The following SYT1 variants were observed in gnomAD, a reference collection of about 807,000 sequenced individuals.
The protein encoded by SYT1 is synaptotagmin 1.
A neutral mutation model predicts 44.8 loss-of-function variants in SYT1; 8 were observed. The observed-to-expected ratio is 0.18, with a 90% CI of 0.10 to 0.32. The LOEUF (loss-of-function observed/expected upper bound fraction) is 0.32. SYT1 is among the 10% of genes least tolerant of loss of function. The probability of loss-of-function intolerance (pLI) is 1.00; values close to 1 mark genes in which losing one functional copy is unlikely to be tolerated. For synonymous variants in SYT1, 154 were observed against 188.8 expected, an observed-to-expected ratio of 0.82 and a Z score of 1.51; for missense variants, 286 against 509.3, an observed-to-expected ratio of 0.56 and a Z score of 4.22.
chr12:79,261,891 A>AG (rs1242508218), intron 4 of SYT1, among the ~76,000 whole-genome samples: 1 of 152,222 alleles, frequency 6.6e-6, no homozygotes, highest in African/African-American at 2.4e-5. Flanking sequence ...GAGTGGAAGT[A>AG]ATATGTAACA....
Position 79,218,866 on chromosome 12 carries a change from T to C in SYT1, c.166+1181T>C, listed in dbSNP as rs1005750975. On this transcript the variant is annotated intron_variant, in intron 4 of 10. Coordinates refer to ENST00000261205, the MANE Select transcript of SYT1 (RefSeq NM_005639.3). ...GTTTGTCATATTGATTTCATTTCTT[T>C]GGATACATACCGGGTAGTAGGATTG... Among the ~76,000 whole-genome samples, 35 of 152,212 alleles carry C rather than the reference T, an allele frequency of 2.3e-4. 1 individual carries two copies. The highest frequency in any genetic ancestry group is 1.3e-4 in the Non-Finnish European group (9 of 68,026).
intron 4 of SYT1, among the ~76,000 whole-genome samples, chr12:79,284,434 T>A (rs1879202559): frequency 6.6e-6 from 1 of 152,176 alleles, no homozygotes; most frequent in Non-Finnish European, 1.5e-5. Flanking sequence ...TAAACTCCCC[T>A]CTGTGTATTT....
intron 3 of SYT1, among the ~76,000 whole-genome samples, chr12:79,142,150 GA>G (rs1384065859): frequency 6.6e-5 from 10 of 152,198 alleles, no homozygotes; most frequent in Non-Finnish European, 1.5e-5. Flanking sequence ...GATCATTGCT[GA>G]ATGATTAACG....
intron 1 of SYT1, among the ~76,000 whole-genome samples, chr12:78,934,676 A>T (rs1323744579): frequency 6.6e-6 from 1 of 152,216 alleles, no homozygotes; most frequent in Non-Finnish European, 1.5e-5. Context: ...AAAGAAGTTG[A>T]AGTGGAAAAT....
At chr12:79,263,070 T>C (rs1877921118) in intron 4 of SYT1, among the ~76,000 whole-genome samples, 1 of 152,194 alleles carries the variant, frequency 6.6e-6, no homozygotes, top group African/African-American at 2.4e-5. Context: ...CCAGAATGCA[T>C]TCCTAATTTT....
intron 8 of SYT1, among the ~76,000 whole-genome samples, chr12:79,335,846 G>A (rs1452424566): frequency 3.3e-5 from 5 of 152,158 alleles, no homozygotes; most frequent in Non-Finnish European, 5.9e-5. Context: ...ACTTGTTTCT[G>A]TTCTGGATTA....
At chr12:78,944,406 G>C (rs1340084459) in intron 1 of SYT1, among the ~76,000 whole-genome samples, 2 of 151,778 alleles carry the variant, frequency 1.3e-5, no homozygotes, top group Non-Finnish European at 2.9e-5. Context: ...TATTTAAAAA[G>C]TGGAAAAAGC....
chr12:79,332,409 C>T lies in SYT1; in HGVS notation c.811-21093C>T, dbSNP rs184541913. On this transcript the variant is annotated intron_variant, in intron 8 of 10. Transcript: ENST00000261205. ...AACTAAATCGTTTCTGCAGAATGAA[C>T]GATTTGTGAAATCTTGGCAAATTGA... Among the ~76,000 whole-genome samples, 255 of 152,252 alleles carry T rather than the reference C, an allele frequency of 1.7e-3. 1 individual carries two copies. Among genetic ancestry groups the T allele is most frequent in the African/African-American group, 5.8e-3 (242 of 41,550 alleles).
chr12:79,180,209 T>TC (rs71091646), intron 3 of SYT1, among the ~76,000 whole-genome samples: 1 of 151,554 alleles, frequency 6.6e-6, no homozygotes, highest in Admixed American at 6.6e-5. Flanking sequence ...CCATTATTTC[T>TC]TTGAAAATAT....
At position 79,041,325 on chromosome 12, in the gene SYT1, G is replaced by A. The variant is rs1055032171; in HGVS notation, c.-83-5972G>A. Reference sequence around the variant, plus strand: ...TGAGCAGTGGTTTGTAGTTCTCCTTGAAGAGGTCCTTCACATCCCCTGTAA... The same window carrying A: ...TGAGCAGTGGTTTGTAGTTCTCCTTAAAGAGGTCCTTCACATCCCCTGTAA... On this transcript the variant is annotated intron_variant, in intron 2 of 10. Coordinates refer to ENST00000261205, the MANE Select transcript of SYT1 (RefSeq NM_005639.3). Among the ~76,000 whole-genome samples the A allele has an allele frequency of 2.6e-4, 40 of 152,140 alleles. 1 individual carries two copies. The highest frequency in any genetic ancestry group is 7.3e-5 in the Non-Finnish European group (5 of 68,036).
chr12:79,033,852 C>G (rs1441885238), intron 2 of SYT1, among the ~76,000 whole-genome samples: 1 of 151,396 alleles, frequency 6.6e-6, no homozygotes, highest in Non-Finnish European at 1.5e-5. Context: ...ACCCATCTCT[C>G]TAGTACTTAC....
intron 1 of SYT1, among the ~76,000 whole-genome samples, chr12:78,936,578 TA>T (rs1046666937): frequency 6.6e-6 from 1 of 152,152 alleles, no homozygotes; most frequent in Non-Finnish European, 1.5e-5. Flanking sequence ...ATTTTTCCTT[TA>T]AAAACCTACT....
At chr12:78,934,841 G>C (rs1877963434) in intron 1 of SYT1, among the ~76,000 whole-genome samples, 1 of 152,028 alleles carries the variant, frequency 6.6e-6, no homozygotes, top group African/African-American at 2.4e-5. Context: ...ATGGCTGCAC[G>C]GCCTCCACAT....
chr12:79,091,848 A>G lies in SYT1; in HGVS notation c.-18+44486A>G, dbSNP rs536118107. Among the ~76,000 whole-genome samples the G allele has an allele frequency of 1.8e-4, 28 of 152,124 alleles. No individual in the cohort carries two copies. The South Asian group carries it at 5.8e-3, about 32-fold the overall frequency. On this transcript the variant is annotated intron_variant, in intron 3 of 10. Transcript: ENST00000261205. ...CCTTTTTACCAAAGTTAATCACAAT[A>G]AAACTAATTTGTTTGCAAAATAAGT...
At chr12:79,061,688 C>T (rs900485200) in intron 3 of SYT1, among the ~76,000 whole-genome samples, 1 of 152,060 alleles carries the variant, frequency 6.6e-6, no homozygotes, top group African/African-American at 2.4e-5. Flanking sequence ...CTTAACAGTG[C>T]CTGAAAAGCT....
chr12:79,105,820 C>T (rs2138070826), intron 3 of SYT1, among the ~76,000 whole-genome samples: 1 of 151,378 alleles, frequency 6.6e-6, no homozygotes, highest in Non-Finnish European at 1.5e-5. Flanking sequence ...GCGGAGCTTG[C>T]AGTGAGCCTA....
intron 3 of SYT1, among the ~76,000 whole-genome samples, chr12:79,074,481 A>G (rs996250177): frequency 2.0e-5 from 3 of 152,110 alleles, no homozygotes; most frequent in African/African-American, 7.2e-5. Flanking sequence ...CTGGAACTCC[A>G]CCTTTATCCT....
At chr12:78,953,153 T>G (rs1879050354) in intron 1 of SYT1, among the ~76,000 whole-genome samples, 1 of 151,916 alleles carries the variant, frequency 6.6e-6, no homozygotes. Context: ...AATGCATGAG[T>G]GAATGAGTAA....
intron 2 of SYT1, among the ~76,000 whole-genome samples, chr12:79,037,609 CAACAAAAGAG>C (rs1873217950): frequency 6.6e-6 from 1 of 151,584 alleles, no homozygotes; most frequent in Non-Finnish European, 1.5e-5. Context: ...AATGGTTAGA[CAACAAAAGAG>C]AAAAAATAGG....
Sources: allele counts gnomAD v4.1 joint callset (sites outside exome capture counted in the v4.1 genomes callset), GRCh38; gene constraint gnomAD v4.1.1; transcripts MANE v1.5; gene names NCBI Gene and HGNC (gene_info 2026-07-23, HGNC 2026-07-21).